SOS1: variants seen among roughly 807,000 people sequenced by gnomAD.
SOS1 encodes SOS Ras/Rac guanine nucleotide exchange factor 1.
Under a neutral mutation model 157.6 loss-of-function variants are expected in SOS1, and 25 were observed. That is an observed-to-expected ratio of 0.16 (90% CI 0.12 to 0.22). The LOEUF (loss-of-function observed/expected upper bound fraction) is 0.22, where lower values mean the gene tolerates loss of function less well. Among genes scored for constraint, SOS1 ranks in the 10% least tolerant of loss-of-function variants. The pLI is 1.00. For missense variants in SOS1, 1,237 were observed against 1,599.1 expected (o/e 0.77, Z 3.86); for synonymous variants, 528 against 534.0 (o/e 0.99, Z 0.16).
intron 17 of SOS1, among the ~76,000 whole-genome samples, chr2:38,998,622 G>C (rs1210745999): frequency 6.6e-6 from 1 of 152,142 alleles, no homozygotes; most frequent in Non-Finnish European, 1.5e-5. Flanking sequence ...TGTAAAATGA[G>C]GACAGGAGGG....
chr2:39,095,890 G>C (rs1368094410), intron 1 of SOS1, among the ~76,000 whole-genome samples: 3 of 152,206 alleles, frequency 2.0e-5, no homozygotes, highest in Non-Finnish European at 2.9e-5. Context: ...AATTTCACAA[G>C]TCAGTCAACG....
At position 38,995,315 on chromosome 2, in the gene SOS1, G is replaced by A; in HGVS notation, c.3154C>T (p.His1052Tyr). Residue 1052 changes from histidine to tyrosine, a missense_variant, in exon 20 of 23, where the codon CAT becomes TAT. By Grantham distance (83) the His-to-Tyr change is moderately conservative. This residue lies in a region of SOS1 where 43 missense variants were observed against 83.0 expected (regional missense o/e 0.52). Coordinates refer to ENST00000402219, the MANE Select transcript of SOS1 (RefSeq NM_005633.4). ...GGCTCCTGCTGCAGAGGTGTGGGAT[G>A]CCTCATGGTACCTGGTCTTGGGTTT... Reference protein sequence around the residue: ...PSNPRPGTMRHPTPLQQEPRK... With the variant: ...PSNPRPGTMRYPTPLQQEPRK... The A allele has an allele frequency of 6.2e-7, 1 of 1,613,346 alleles. No individual in the cohort carries two copies. Among genetic ancestry groups the A allele is most frequent in the Non-Finnish European group, 8.5e-7 (1 of 1,179,338 alleles).
chr2:39,069,856 A>AT (rs1671738591), intron 1 of SOS1, among the ~76,000 whole-genome samples: 1 of 152,284 alleles, frequency 6.6e-6, no homozygotes, highest in Middle Eastern at 3.4e-3. Context: ...CCTAAAACAA[A>AT]TTTTTTTAAC....
intron 6 of SOS1, among the ~76,000 whole-genome samples, chr2:39,041,408 T>C (rs1670563344): frequency 6.6e-6 from 1 of 152,250 alleles, no homozygotes; most frequent in Non-Finnish European, 1.5e-5. Context: ...TTGGGTTATC[T>C]TTTTGTTATA....
At chr2:39,052,315 T>C (rs749705493) in intron 5 of SOS1, among the ~76,000 whole-genome samples, 20 of 152,206 alleles carry the variant, frequency 1.3e-4, no homozygotes, top group Non-Finnish European at 2.2e-4. Context: ...TCAAGTTGAC[T>C]TTGAGGCATA....
chr2:39,092,781 G>C (rs1410285058), intron 1 of SOS1, among the ~76,000 whole-genome samples: 1 of 152,176 alleles, frequency 6.6e-6, no homozygotes, highest in Non-Finnish European at 1.5e-5. Flanking sequence ...AGCGTGATAT[G>C]AAATAAAATA....
At position 39,034,663 on chromosome 2, in the gene SOS1, A is replaced by C. The variant is rs192467162; in HGVS notation, c.1074+549T>G. Among the ~76,000 whole-genome samples the C allele has an allele frequency of 2.0e-4, 31 of 152,326 alleles. 1 individual carries two copies. The East Asian group carries it at 5.8e-3, about 28-fold the overall frequency. ...TGCTTAGTATTTTGAACTGTGATCAAATGGGCAATTTTTACTGAGATTACA... is the reference window on the plus strand; with the variant it reads ...TGCTTAGTATTTTGAACTGTGATCACATGGGCAATTTTTACTGAGATTACA... On this transcript the variant is annotated intron_variant, in intron 8 of 22. Transcript: ENST00000402219.
chr2:39,075,755 T>C (rs1006775810), intron 1 of SOS1, among the ~76,000 whole-genome samples: 3 of 152,014 alleles, frequency 2.0e-5, no homozygotes, highest in African/African-American at 7.2e-5. Context: ...CAAATACTAC[T>C]GTATTATACA....
intron 1 of SOS1, among the ~76,000 whole-genome samples, chr2:39,082,305 A>G (rs1182099155): frequency 1.3e-5 from 2 of 152,198 alleles, no homozygotes; most frequent in African/African-American, 4.8e-5. Context: ...ATGGGTTCAC[A>G]TATGCTAAGC....
chr2:38,987,410 A>C (rs1668589376), intron 22 of SOS1, 63 bp downstream of exon 22: 3 of 826,754 alleles, frequency 3.6e-6, no homozygotes, highest in Non-Finnish European at 6.3e-6. Context: ...TAAACTAGAC[A>C]GCCGTTTATT....
At chr2:39,008,642 A>G (rs1669359627) in intron 15 of SOS1, among the ~76,000 whole-genome samples, 1 of 152,198 alleles carries the variant, frequency 6.6e-6, no homozygotes, top group Non-Finnish European at 1.5e-5. Flanking sequence ...CAGAAATCTC[A>G]GAAACCATTC....
intron 1 of SOS1, among the ~76,000 whole-genome samples, chr2:39,071,452 A>T (rs1459989258): frequency 6.6e-6 from 1 of 152,228 alleles, no homozygotes; most frequent in Non-Finnish European, 1.5e-5. Flanking sequence ...AGTCCTATAA[A>T]TCTTTACAAT....
chr2:39,101,228 A>C (rs1398898039), intron 1 of SOS1, among the ~76,000 whole-genome samples: 1 of 152,128 alleles, frequency 6.6e-6, no homozygotes, highest in African/African-American at 2.4e-5. Context: ...CACATGAACG[A>C]ATAGAGCAGG....
rs1179055442 is a variant in SOS1, at chr2:39,042,548, T to C, written c.865-7048A>G. 2.6e-5 allele frequency among the ~76,000 whole-genome samples: 4 copies of C among 151,710 alleles called. No individual in the cohort carries two copies. The East Asian group carries it at 7.8e-4, about 29-fold the overall frequency. On this transcript the variant is annotated intron_variant, in intron 6 of 22. Transcript: ENST00000402219. ...CCTCCTGAATAGCTGAGATCACAGA[T>C]GCCCGCCACTACGCCCAGCTAATTT...
chr2:39,041,419 T>C (rs1042586524), intron 6 of SOS1, among the ~76,000 whole-genome samples: 1 of 152,228 alleles, frequency 6.6e-6, no homozygotes, highest in Non-Finnish European at 1.5e-5. Flanking sequence ...TTTTGTTATA[T>C]ACACTGAATA....
chr2:39,106,390 A>C (rs1243456579), intron 1 of SOS1, among the ~76,000 whole-genome samples: 2 of 151,838 alleles, frequency 1.3e-5, no homozygotes, highest in East Asian at 3.9e-4. Context: ...GGAGATCGAG[A>C]CCATCCCGGC....
At chr2:39,088,886 T>C (rs927322260) in intron 1 of SOS1, among the ~76,000 whole-genome samples, 1 of 152,200 alleles carries the variant, frequency 6.6e-6, no homozygotes, top group Non-Finnish European at 1.5e-5. Flanking sequence ...TGAACTGCCA[T>C]ACTGTTTTTT....
intron 6 of SOS1, among the ~76,000 whole-genome samples, chr2:39,046,659 C>A (rs1670796197): frequency 6.6e-6 from 1 of 152,068 alleles, no homozygotes; most frequent in Non-Finnish European, 1.5e-5. Flanking sequence ...TGCGCACCAC[C>A]ACACCTGGGT....
chr2:39,068,490 G>A (rs904622136), intron 1 of SOS1, among the ~76,000 whole-genome samples: 1 of 152,088 alleles, frequency 6.6e-6, no homozygotes. Context: ...ATCCAGGAGG[G>A]GCATGTCTCA....
Sources: allele counts gnomAD v4.1 joint callset (sites outside exome capture counted in the v4.1 genomes callset), GRCh38; gene constraint gnomAD v4.1.1; regional missense constraint gnomAD v4.1.1; transcripts MANE v1.5; gene names NCBI Gene and HGNC (gene_info 2026-07-23, HGNC 2026-07-21).